The following SAMMSON variants were observed in gnomAD, a reference collection of about 807,000 sequenced individuals.
SAMMSON encodes the protein survival associated mitochondrial melanoma specific oncogenic non-coding RNA, also known as long intergenic non-protein coding RNA 1212.
intron 7 of SAMMSON, among the ~76,000 whole-genome samples, chr3:70,296,220 A>G (rs375519115): frequency 8.5e-5 from 13 of 152,288 alleles, no homozygotes; most frequent in African/African-American, 3.1e-4. Flanking sequence ...TCCTTTTTCC[A>G]TGAGCCCCCA....
chr3:70,203,482 C>A (rs890063051), intron 4 of SAMMSON, among the ~76,000 whole-genome samples: 3 of 152,100 alleles, frequency 2.0e-5, no homozygotes, highest in Non-Finnish European at 4.4e-5. Flanking sequence ...TAAGTTCAGA[C>A]AAGCACAACT....
At chr3:70,029,041 G>A (rs1412057474) in intron 3 of SAMMSON, among the ~76,000 whole-genome samples, 3 of 152,160 alleles carry the variant, frequency 2.0e-5, no homozygotes, top group African/African-American at 4.8e-5. Context: ...CTGTGTCCAT[G>A]AGCTAAACCA....
At chr3:70,000,175 A>G (rs1375556298) in intron 1 of SAMMSON, among the ~76,000 whole-genome samples, 2 of 152,170 alleles carry the variant, frequency 1.3e-5, no homozygotes, top group Admixed American at 6.5e-5. Context: ...CTTCAGGAGC[A>G]CACACGTCCA....
chr3:70,337,410 G>A (rs1247570085), intron 7 of SAMMSON, among the ~76,000 whole-genome samples: 2 of 151,508 alleles, frequency 1.3e-5, no homozygotes, highest in Non-Finnish European at 2.9e-5. Context: ...ACCCTGTTAA[G>A]TGCTTGTTTT....
At chr3:70,015,769 T>TTCA (rs2066981628) in intron 3 of SAMMSON, among the ~76,000 whole-genome samples, 2 of 152,136 alleles carry the variant, frequency 1.3e-5, no homozygotes. Context: ...TGTGTCCAAG[T>TTCA]GTTCTCATTG....
chr3:70,121,088 G>A (rs183831274), intron 4 of SAMMSON, among the ~76,000 whole-genome samples: 15 of 152,336 alleles, frequency 9.8e-5, no homozygotes, highest in Non-Finnish European at 1.3e-4. Context: ...CAAGGAGCAC[G>A]CAATCTAGAT....
intron 6 of SAMMSON, among the ~76,000 whole-genome samples, chr3:70,281,643 C>T (rs528187088): frequency 3.3e-5 from 5 of 152,190 alleles, no homozygotes; most frequent in Admixed American, 6.6e-5. Context: ...TTATGTCTCT[C>T]GGTATTTATG....
chr3:70,411,174 A>G (rs1484661161), intron 2 of SAMMSON, among the ~76,000 whole-genome samples: 1 of 152,216 alleles, frequency 6.6e-6, no homozygotes, highest in Non-Finnish European at 1.5e-5. Context: ...CAACAGAGAC[A>G]AGAATTTTGC....
At chr3:70,179,529 A>G (rs1701034958) in intron 4 of SAMMSON, among the ~76,000 whole-genome samples, 1 of 152,150 alleles carries the variant, frequency 6.6e-6, no homozygotes, top group South Asian at 2.1e-4. Flanking sequence ...TGCACAGGGT[A>G]CACCCCTAAT....
At chr3:70,079,813 A>G (rs2067261611) in intron 4 of SAMMSON, among the ~76,000 whole-genome samples, 1 of 152,178 alleles carries the variant, frequency 6.6e-6, no homozygotes, top group Non-Finnish European at 1.5e-5. Flanking sequence ...ATGATGTGAC[A>G]CACACACTTA....
At chr3:70,058,956 G>A (rs2067177724) in intron 3 of SAMMSON, among the ~76,000 whole-genome samples, 1 of 152,032 alleles carries the variant, frequency 6.6e-6, no homozygotes, top group Non-Finnish European at 1.5e-5. Flanking sequence ...ACTCTTGTCA[G>A]CGGGAAGGTA....
intron 4 of SAMMSON, among the ~76,000 whole-genome samples, chr3:70,164,686 C>T (rs1435282726): frequency 6.6e-6 from 1 of 151,994 alleles, no homozygotes; most frequent in African/African-American, 2.4e-5. Context: ...GTTTTTTAAC[C>T]TCTCTGTGGC....
intron 4 of SAMMSON, among the ~76,000 whole-genome samples, chr3:70,105,465 A>C (rs1162436655): frequency 6.6e-6 from 1 of 152,162 alleles, no homozygotes; most frequent in East Asian, 1.9e-4. Context: ...CCTCCCTCTG[A>C]AAGTGCAAAG....
intron 6 of SAMMSON, among the ~76,000 whole-genome samples, chr3:70,273,373 C>A (rs181932496): frequency 2.0e-5 from 3 of 152,212 alleles, no homozygotes; most frequent in Admixed American, 2.0e-4. Context: ...GATGCTAAGA[C>A]CTTTAATCCA....
chr3:70,306,609 C>T (rs1050032423), intron 7 of SAMMSON, among the ~76,000 whole-genome samples: 2 of 151,944 alleles, frequency 1.3e-5, no homozygotes, highest in African/African-American at 4.8e-5. Context: ...TTTTCTCTCT[C>T]ATGAATTTTC....
chr3:70,202,850 ATC>A (rs1168687609), intron 4 of SAMMSON, among the ~76,000 whole-genome samples: 1 of 152,108 alleles, frequency 6.6e-6, no homozygotes, highest in East Asian at 1.9e-4. Context: ...AGGAGGGAGA[ATC>A]TCTCTCACTA....
At chr3:70,377,514 AT>A (rs1026384541) in intron 9 of SAMMSON, among the ~76,000 whole-genome samples, 5 of 152,214 alleles carry the variant, frequency 3.3e-5, no homozygotes, top group African/African-American at 1.2e-4. Context: ...AAAAGATTAA[AT>A]TTTTTTAATC....
At chr3:70,098,606 A>C (rs1284270173) in intron 4 of SAMMSON, among the ~76,000 whole-genome samples, 1 of 152,012 alleles carries the variant, frequency 6.6e-6, no homozygotes, top group East Asian at 1.9e-4. Context: ...TGACATTGTG[A>C]TCCACCCGCC....
chr3:70,188,264 G>A (rs1394779195), intron 4 of SAMMSON, among the ~76,000 whole-genome samples: 1 of 152,164 alleles, frequency 6.6e-6, no homozygotes, highest in East Asian at 1.9e-4. Context: ...CTTGGTGTTA[G>A]AAAGCTATTT....
Sources: gnomAD v4.1 joint callset for allele counts (sites outside exome capture counted in the v4.1 genomes callset) on GRCh38, gnomAD v4.1.1 for gene constraint, MANE v1.5 for transcripts, NCBI Gene and HGNC (gene_info 2026-07-23, HGNC 2026-07-21) for gene names.